The following PEAK3 variants were observed in gnomAD, a reference collection of about 807,000 sequenced individuals.
PEAK3 encodes the protein PEAK family member 3, also known as protein PEAK3.
Under a neutral mutation model 13.3 loss-of-function variants are expected in PEAK3, and 15 were observed. The observed-to-expected ratio is 1.13, with a 90% CI of 0.75 to 1.73. The LOEUF (loss-of-function observed/expected upper bound fraction) is 1.73, where lower values mean the gene tolerates loss of function less well. PEAK3 is among the 40% of genes most tolerant of loss of function. The pLI is 0.00. For synonymous variants in PEAK3, 347 were observed against 341.9 expected (o/e 1.01, Z -0.17); for missense variants, 739 against 690.2 (o/e 1.07, Z -0.79).
At chr19:2,280,805 C>T (rs1165554381) in intron 2 of PEAK3, 45 bp downstream of exon 2, 1 of 1,519,800 alleles carries the variant, frequency 6.6e-7, no homozygotes, top group East Asian at 2.4e-5. Flanking sequence ...CCCCCTGCCG[C>T]TCCCTGCACC....
intron 3 of PEAK3, among the ~76,000 whole-genome samples, chr19:2,277,081 C>G (rs1296080385): frequency 1.3e-5 from 2 of 152,078 alleles, no homozygotes; most frequent in African/African-American, 4.8e-5. Flanking sequence ...GGGGTTTTGA[C>G]AAGAGCTCCA....
intron 2 of PEAK3, among the ~76,000 whole-genome samples, 200 bp downstream of exon 2, chr19:2,280,650 C>T (rs12460495): frequency 0.11 from 16,709 of 152,190 alleles, 1,301 homozygotes; most frequent in East Asian, 0.33. Context: ...ACGCCCCGCC[C>T]ACCAACCCAC....
chr19:2,279,196 C>T, intron 2 of PEAK3, 83 bp from the exon 3 acceptor site: 1 of 1,168,606 alleles, frequency 8.6e-7, no homozygotes, highest in Non-Finnish European at 1.1e-6. Flanking sequence ...GCCTCGGTTT[C>T]CCCATCTCTA....
At chr19:2,281,209 G>A (rs2025436083) in intron 1 of PEAK3, among the ~76,000 whole-genome samples, 1 of 150,602 alleles carries the variant, frequency 6.6e-6, no homozygotes, top group African/African-American at 2.5e-5. Context: ...GTGATCCCGA[G>A]TGGGTTTCCT....
Position 2,278,586 on chromosome 19 carries a change from T to G in PEAK3, c.610A>C (p.Lys204Gln). 6.8e-7 allele frequency: 1 copy of G among 1,480,362 alleles called. No individual in the cohort carries two copies. Among genetic ancestry groups the G allele is most frequent in the Non-Finnish European group, 9.0e-7 (1 of 1,116,282 alleles). The allele number at this position is 1,480,362 out of a possible 1,614,324, so 91.7% of individuals were successfully genotyped here. Residue 204 changes from lysine (K) to glutamine (Q), a missense_variant and splice_region_variant, in exon 3 of 4, where the codon AAG (lysine) becomes CAG (glutamine). Physicochemically the swap from Lys to Gln is moderately conservative, Grantham distance 53. Coordinates refer to ENST00000342063, the MANE Select transcript of PEAK3 (RefSeq NM_198532.3). ...GAGGGTGGGGCTGTGGGGCTCACCT[T>G]GGCGACCAGGATGTGCCAGGCGTCC... ...HEDAWHILVAKVPKPGADVPH... is the reference protein window; with the variant it reads ...HEDAWHILVAQVPKPGADVPH...
At chr19:2,281,006 C>T (rs1178678529) in intron 1 of PEAK3, 71 bp from the exon 2 acceptor site, 18 of 1,030,846 alleles carry the variant, frequency 1.7e-5, no homozygotes, top group Middle Eastern at 2.2e-4. Context: ...GGGAGGGGTC[C>T]GTGAGTGCTG....
intron 2 of PEAK3, among the ~76,000 whole-genome samples, chr19:2,279,604 C>A (rs966501868): frequency 6.6e-5 from 10 of 151,296 alleles, no homozygotes; most frequent in Admixed American, 6.6e-4. Context: ...TGCAGTGAAC[C>A]GAGATTGTGC....
Position 2,275,449 on chromosome 19 carries a change from A to G in PEAK3, c.*231T>C. ...GCTTCAGAGAGCTGCTGCCCAACAC[A>G]GGAGGCGCTGGCCAGCCCCCAGCCC... On this transcript the variant is annotated 3_prime_UTR_variant, in exon 4 of 4. Coordinates refer to ENST00000342063, the MANE Select transcript of PEAK3 (RefSeq NM_198532.3). 2.7e-6 allele frequency: 1 copy of G among 375,390 alleles called. No individual in the cohort carries two copies. Among genetic ancestry groups the G allele is most frequent in the South Asian group, 1.1e-4 (1 of 8,978 alleles). 23.3% of individuals were successfully genotyped at this position (375,390 alleles called of 1,614,324 possible).
rs2523178 is a variant in PEAK3, at chr19:2,275,080, A to C, written c.*600T>G. 6.6e-6 allele frequency: 1 copy of C among 151,768 alleles called. No homozygotes were observed. The highest frequency in any genetic ancestry group is 6.6e-5 in the Admixed American group (1 of 15,240). The allele number at this position is 151,768 out of a possible 1,614,324, so 9.4% of individuals were successfully genotyped here. ...AGGCAGGGTGGGCGCAGAGGGATTG[A>C]GGGGAGGTGGCAGGGAACCGCGGGG... is the stretch of plus-strand genomic sequence containing the variant. On this transcript the variant is annotated 3_prime_UTR_variant, in exon 4 of 4. Coordinates refer to ENST00000342063, the MANE Select transcript of PEAK3 (RefSeq NM_198532.3).
At position 2,277,488 on chromosome 19, in the gene PEAK3, A is replaced by G. The variant is rs1041340249; in HGVS notation, c.613-999T>C. Among the ~76,000 whole-genome samples, 27 of 152,130 alleles carry G rather than the reference A, an allele frequency of 1.8e-4. 1 individual carries two copies. Among genetic ancestry groups the G allele is most frequent in the African/African-American group, 6.5e-4 (27 of 41,438 alleles). On this transcript the variant is annotated intron_variant, in intron 3 of 3. Transcript: ENST00000342063. ...CAGAAGCCACCAGAACCATGAGCCA[A>G]TTAAGGCCCTTTTCTCTATAAATTA...
intron 2 of PEAK3, among the ~76,000 whole-genome samples, chr19:2,279,748 G>A (rs1338676682): frequency 6.6e-6 from 1 of 151,838 alleles, no homozygotes; most frequent in African/African-American, 2.4e-5. Flanking sequence ...TTGCACAAGC[G>A]TCTGTCTTGC....
At chr19:2,280,811 G>A in intron 2 of PEAK3, 39 bp downstream of exon 2, 2 of 1,537,354 alleles carry the variant, frequency 1.3e-6, no homozygotes, top group Non-Finnish European at 1.8e-6. Flanking sequence ...GCCGCTCCCT[G>A]CACCCCCGCA....
rs1055070786 is a variant in PEAK3 at position 2,278,986 on chromosome 19, C to T, written c.210G>A (p.Leu70=). The T allele has an allele frequency of 6.3e-7, 1 of 1,579,522 alleles. No homozygotes were observed. The highest frequency in any genetic ancestry group is 8.6e-7 in the Non-Finnish European group (1 of 1,156,920). Residue 70 remains leucine (L), a synonymous_variant, in exon 3 of 4, where the codon CTG becomes CTA. Transcript: ENST00000342063. ...TGGGATGGAGGGTCCTGCGGGTGGG[C>T]AGTGACTGGGTCCGGGTTAGGATCT... ...PKKILTRTQS[L]PTRRTLHPSS...
At chr19:2,279,335 C>T (rs965224553) in intron 2 of PEAK3, among the ~76,000 whole-genome samples, 7 of 152,050 alleles carry the variant, frequency 4.6e-5, no homozygotes, top group African/African-American at 7.2e-5. Context: ...CATAGTGAGA[C>T]CCTGTCTCTG....
At position 2,276,438 on chromosome 19, in the gene PEAK3, C is replaced by A; in HGVS notation, c.664G>T (p.Ala222Ser). 2 of 1,587,036 alleles carry A rather than the reference C, an allele frequency of 1.3e-6. No homozygotes were observed. The highest frequency in any genetic ancestry group is 1.7e-6 in the Non-Finnish European group (2 of 1,170,806). The change falls in exon 4 of 4, where the codon GCC becomes TCC. Residue 222 changes from alanine to serine, a missense_variant. Physicochemically the swap from Ala to Ser is moderately conservative, Grantham distance 99. Coordinates refer to ENST00000342063, the MANE Select transcript of PEAK3 (RefSeq NM_198532.3). Reference protein sequence around the residue: ...VPHPWGLELQASLSPHFNLQG... With the variant: ...VPHPWGLELQSSLSPHFNLQG... ...AGATTGAAGTGTGGAGACAGGGAGG[C>A]CTGCAGCTCCAGGCCCCACGGGTGG...
chr19:2,279,851 G>A, intron 2 of PEAK3, among the ~76,000 whole-genome samples: 1 of 151,554 alleles, frequency 6.6e-6, no homozygotes, highest in Non-Finnish European at 1.5e-5. Flanking sequence ...CTAGGTTCAA[G>A]CGATTCTCCT....
Position 2,278,744 on chromosome 19 carries a change from G to A in PEAK3, c.452C>T (p.Ala151Val), listed in dbSNP as rs1413388007. Residue 151 changes from alanine to valine, a missense_variant, in exon 3 of 4, where the codon GCC becomes GTC. Transcript: ENST00000342063. ...CCCCATGAGCCGGGCACGGAGCCGGGCATAGATGGTACGGAGGCCCTGCAG... is the reference window on the plus strand; with the variant it reads ...CCCCATGAGCCGGGCACGGAGCCGGACATAGATGGTACGGAGGCCCTGCAG... ...RQLQGLRTIY[A>V]RLRARLMGGH... 6.5e-7 allele frequency: 1 copy of A among 1,548,664 alleles called. No homozygotes were observed. The highest frequency in any genetic ancestry group is 8.7e-7 in the Non-Finnish European group (1 of 1,144,412).
At position 2,275,584 on chromosome 19, in the gene PEAK3, G is replaced by T; in HGVS notation, c.*96C>A. 1 of 1,136,094 alleles carries T rather than the reference G, an allele frequency of 8.8e-7. No individual in the cohort carries two copies. The highest frequency in any genetic ancestry group is 1.2e-6 in the Non-Finnish European group (1 of 867,820). The allele number at this position is 1,136,094 out of a possible 1,614,324, so 70.4% of individuals were successfully genotyped here. The stretch of plus-strand genomic sequence containing the variant: ...TCTGCTGCGCTCCTGGACTCTGCAG[G>T]AAGAGGGTGTCTTGGCTATCATGGA... On this transcript the variant is annotated 3_prime_UTR_variant, in exon 4 of 4. Coordinates refer to ENST00000342063, the MANE Select transcript of PEAK3 (RefSeq NM_198532.3).
chr19:2,278,056 G>C lies in PEAK3; in HGVS notation c.612+528C>G, dbSNP rs140310011. On this transcript the variant is annotated intron_variant, in intron 3 of 3. Coordinates refer to ENST00000342063, the MANE Select transcript of PEAK3 (RefSeq NM_198532.3). ...TTTTTTGTCTTTTTAGTAGAAACAG[G>C]GTTTCACCGTGTTAGCCAGGATGGT... Among the ~76,000 whole-genome samples the C allele has an allele frequency of 0.019, 2,893 of 151,082 alleles. 232 individuals carry two copies. The East Asian group carries it at 0.21, about 11-fold the overall frequency.
Sources: gnomAD v4.1 joint callset for allele counts (sites outside exome capture counted in the v4.1 genomes callset) on GRCh38, gnomAD v4.1.1 for gene constraint, MANE v1.5 for transcripts, NCBI Gene and HGNC (gene_info 2026-07-23, HGNC 2026-07-21) for gene names.